The following CMTM8 variants were observed in gnomAD, a reference collection of about 807,000 sequenced individuals.
The protein encoded by CMTM8 is CKLF-like MARVEL transmembrane domain-containing protein 8.
A neutral mutation model predicts 18.6 loss-of-function variants in CMTM8; 12 were observed. That is an observed-to-expected ratio of 0.65 (90% CI 0.41 to 1.05). CMTM8 has a LOEUF of 1.05. Among genes scored for constraint, CMTM8 ranks in the 50% least tolerant of loss-of-function variants. The pLI, the probability that CMTM8 is intolerant of heterozygous loss-of-function variation, is 0.00. For synonymous variants in CMTM8, 87 were observed against 90.6 expected (o/e 0.96, Z 0.23); for missense variants, 217 against 227.2 (o/e 0.95, Z 0.29).
Position 32,288,710 on chromosome 3 carries a change from C to G in CMTM8, c.147+49591C>G, listed in dbSNP as rs578111658. Among the ~76,000 whole-genome samples, 26 of 152,260 alleles carry G rather than the reference C, an allele frequency of 1.7e-4. No homozygotes were observed. In the East Asian group the frequency reaches 1.9e-3, roughly 11 times the overall value. The stretch of plus-strand genomic sequence containing the variant: ...AGAGACGGCATTTCACCATGTTAGC[C>G]AGGATGTTCTCGATCTCCTGACCTC... On this transcript the variant is annotated intron_variant, in intron 1 of 3. Coordinates refer to ENST00000307526, the MANE Select transcript of CMTM8 (RefSeq NM_178868.5).
At chr3:32,261,157 C>T (rs1409479997) in intron 1 of CMTM8, among the ~76,000 whole-genome samples, 2 of 143,894 alleles carry the variant, frequency 1.4e-5, no homozygotes, top group African/African-American at 5.1e-5. Context: ...CAGAGTGAGA[C>T]TGTGTCCATC....
At chr3:32,244,558 C>A (rs987514164) in intron 1 of CMTM8, among the ~76,000 whole-genome samples, 1 of 152,120 alleles carries the variant, frequency 6.6e-6, no homozygotes, top group South Asian at 2.1e-4. Context: ...ATACTTTTTT[C>A]TTTGCATATA....
intron 1 of CMTM8, among the ~76,000 whole-genome samples, chr3:32,325,487 A>G (rs1298492349): frequency 2.6e-5 from 4 of 152,208 alleles, no homozygotes; most frequent in Non-Finnish European, 4.4e-5. Flanking sequence ...CACAGTAGGC[A>G]TCTAAATTAA....
chr3:32,292,214 C>A (rs964582183), intron 1 of CMTM8, among the ~76,000 whole-genome samples: 2 of 152,202 alleles, frequency 1.3e-5, no homozygotes, highest in African/African-American at 4.8e-5. Context: ...ATTCAATCCA[C>A]GCCACCTTGG....
At chr3:32,292,534 T>TC (rs1167639716) in intron 1 of CMTM8, among the ~76,000 whole-genome samples, 2 of 152,168 alleles carry the variant, frequency 1.3e-5, no homozygotes, top group African/African-American at 4.8e-5. Context: ...AATCTTGCTC[T>TC]CCCCCGCCTT....
intron 2 of CMTM8, 127 bp downstream of exon 2, chr3:32,357,673 A>G (rs1696843064): frequency 1.1e-6 from 1 of 870,866 alleles, no homozygotes; most frequent in Non-Finnish European, 1.7e-6. Context: ...AGAACTCAAC[A>G]CAGCAGATAA....
intron 1 of CMTM8, among the ~76,000 whole-genome samples, chr3:32,315,666 AT>A (rs1171686885): frequency 6.6e-6 from 1 of 152,196 alleles, no homozygotes; most frequent in Non-Finnish European, 1.5e-5. Context: ...AATATGACAC[AT>A]TGCCAAGAGA....
intron 1 of CMTM8, among the ~76,000 whole-genome samples, chr3:32,253,207 T>C (rs1310830393): frequency 6.6e-6 from 1 of 152,234 alleles, no homozygotes; most frequent in East Asian, 1.9e-4. Context: ...TTTATTAATA[T>C]CACATCTAGG....
chr3:32,338,743 G>C (rs1333615671), intron 1 of CMTM8, among the ~76,000 whole-genome samples: 3 of 152,156 alleles, frequency 2.0e-5, no homozygotes, highest in Admixed American at 2.0e-4. Context: ...ACCCCTAAAT[G>C]TAATAGCCTA....
intron 1 of CMTM8, among the ~76,000 whole-genome samples, chr3:32,319,084 T>A (rs1222484871): frequency 1.4e-5 from 1 of 70,930 alleles, no homozygotes; most frequent in African/African-American, 6.9e-5. Context: ...ATTTTTTTTT[T>A]TTTTTTTTTT....
chr3:32,272,832 T>A (rs1466483420), intron 1 of CMTM8, among the ~76,000 whole-genome samples: 1 of 152,184 alleles, frequency 6.6e-6, no homozygotes, highest in Non-Finnish European at 1.5e-5. Flanking sequence ...AGGGATGGCC[T>A]TTTAAGATCC....
At chr3:32,260,913 G>T (rs749139485) in intron 1 of CMTM8, among the ~76,000 whole-genome samples, 2 of 151,974 alleles carry the variant, frequency 1.3e-5, no homozygotes, top group African/African-American at 4.8e-5. Context: ...GCTCCTCAAG[G>T]TCTTTCCCAG....
At chr3:32,320,813 A>G (rs770154986) in intron 1 of CMTM8, among the ~76,000 whole-genome samples, 9 of 151,384 alleles carry the variant, frequency 5.9e-5, no homozygotes, top group Non-Finnish European at 1.2e-4. Context: ...CATCTTTAAA[A>G]CTCTGTGTAA....
chr3:32,265,762 T>A (rs1227568531), intron 1 of CMTM8, among the ~76,000 whole-genome samples: 4 of 152,064 alleles, frequency 2.6e-5, no homozygotes, highest in African/African-American at 4.8e-5. Flanking sequence ...TAAAAAATGA[T>A]AAAGAGGATA....
intron 1 of CMTM8, among the ~76,000 whole-genome samples, chr3:32,243,453 C>T (rs1701970916): frequency 6.6e-6 from 1 of 151,214 alleles, no homozygotes; most frequent in African/African-American, 2.4e-5. Flanking sequence ...ATCATTTGAC[C>T]CCAGGAGGTC....
At chr3:32,303,009 C>T (rs1415096391) in intron 1 of CMTM8, among the ~76,000 whole-genome samples, 1 of 152,210 alleles carries the variant, frequency 6.6e-6, no homozygotes, top group Non-Finnish European at 1.5e-5. Flanking sequence ...CTTTGACCCC[C>T]AGCTCTTACA....
At chr3:32,256,027 C>T (rs1702170154) in intron 1 of CMTM8, among the ~76,000 whole-genome samples, 1 of 152,062 alleles carries the variant, frequency 6.6e-6, no homozygotes, top group African/African-American at 2.4e-5. Flanking sequence ...CGTGCCCAGC[C>T]AAGAAAATTT....
At chr3:32,300,886 G>A (rs1015561339) in intron 1 of CMTM8, among the ~76,000 whole-genome samples, 4 of 152,038 alleles carry the variant, frequency 2.6e-5, no homozygotes, top group Non-Finnish European at 4.4e-5. Flanking sequence ...CTTGAACCTG[G>A]GAGGCGGAGG....
At chr3:32,365,787 A>G (rs1296074998) in intron 2 of CMTM8, among the ~76,000 whole-genome samples, 1 of 152,112 alleles carries the variant, frequency 6.6e-6, no homozygotes, top group East Asian at 1.9e-4. Flanking sequence ...GCTCTCTTTC[A>G]CTGTGGCCCA....
Sources: allele counts gnomAD v4.1 joint callset (sites outside exome capture counted in the v4.1 genomes callset), GRCh38; gene constraint gnomAD v4.1.1; transcripts MANE v1.5; gene names NCBI Gene and HGNC (gene_info 2026-07-23, HGNC 2026-07-21).